The following RGP1 variants were observed in gnomAD, a reference collection of about 807,000 sequenced individuals.
The protein encoded by RGP1 is RAB6A-GEF complex partner protein 2.
A neutral mutation model predicts 44.5 loss-of-function variants in RGP1; 28 were observed. The ratio of observed to expected loss-of-function variants is 0.63; its 90% CI spans 0.47 to 0.86. The LOEUF (loss-of-function observed/expected upper bound fraction) is 0.86. Ranked by LOEUF, RGP1 falls within the 40% of genes least tolerant of loss-of-function variation. The pLI is 0.00. For synonymous variants in RGP1, 212 were observed against 196.7 expected, an observed-to-expected ratio of 1.08 and a Z score of -0.65; for missense variants, 417 against 490.7, an observed-to-expected ratio of 0.85 and a Z score of 1.42.
Position 35,753,596 on chromosome 9 carries a change from T to C in RGP1, c.*722T>C. ...TCTTACATCACAGCAATCTAGTCACTCCCTGGTCATCCCTCAGTCACTCAT... is the reference window on the plus strand; with the variant it reads ...TCTTACATCACAGCAATCTAGTCACCCCCTGGTCATCCCTCAGTCACTCAT... On this transcript the variant is annotated 3_prime_UTR_variant, in exon 9 of 9. Coordinates refer to ENST00000378078, the MANE Select transcript of RGP1 (RefSeq NM_001080496.3). This position sits in a 1 kb window ranked among gnomAD's most constrained non-coding sequence, Gnocchi z 4.2. 7.3e-7 allele frequency: 1 copy of C among 1,367,136 alleles called. No homozygotes were observed. The highest frequency in any genetic ancestry group is 1.0e-6 in the Non-Finnish European group (1 of 970,168). 84.7% of individuals were successfully genotyped at this position (1,367,136 alleles called of 1,614,324 possible).
chr9:35,749,812 G>T lies in RGP1; in HGVS notation c.57G>T (p.Ala19=). 3 of 1,613,936 alleles carry T rather than the reference G, an allele frequency of 1.9e-6. No homozygotes were observed. ...GTCCTGTATTTTTGGCTGGGGAGGC[G>T]CTGGAGTGTGTAGTGACCGTCACCA... ...SRGPVFLAGE[A]LECVVTVTNP... Residue 19 remains alanine, a synonymous_variant, in exon 2 of 9, where the codon GCG becomes GCT. Transcript: ENST00000378078. This position sits in a 1 kb window ranked among gnomAD's most constrained non-coding sequence, Gnocchi z 4.4.
chr9:35,768,428 G>T, the RGP1 span, among the ~76,000 whole-genome samples: 52 of 152,312 alleles, frequency 3.4e-4, no homozygotes, highest in African/African-American at 1.1e-3. Flanking sequence ...TGGAGGTCAA[G>T]ATGTGGGGCA....
intron 3 of RGP1, 38 bp from the exon 4 acceptor site, chr9:35,750,620 C>A: frequency 1.9e-6 from 3 of 1,599,628 alleles, no homozygotes; most frequent in Non-Finnish European, 2.6e-6. Flanking sequence ...CAGTACTGGA[C>A]AATGGGTCAT....
chr9:35,750,562 A>G, intron 3 of RGP1, 96 bp from the exon 4 acceptor site: 1 of 1,399,130 alleles, frequency 7.1e-7, no homozygotes, highest in Non-Finnish European at 1.0e-6. Context: ...GCAGGGACGG[A>G]GGGCCTGGCA....
At chr9:35,765,109 C>T in the RGP1 span, among the ~76,000 whole-genome samples, 1 of 143,032 alleles carries the variant, frequency 7.0e-6, no homozygotes, top group Non-Finnish European at 1.5e-5. Context: ...GACAACAAAG[C>T]AAGACTCTGT....
chr9:35,761,038 G>C (rs542945720), downstream of RGP1, among the ~76,000 whole-genome samples: 1 of 152,356 alleles, frequency 6.6e-6, no homozygotes, highest in South Asian at 2.1e-4. Context: ...CCAAGCCACA[G>C]ATCCTGATTT....
rs1383676712 is a variant in RGP1 at position 35,752,836 on chromosome 9, G to A, written c.1138G>A (p.Ala380Thr). 6.2e-7 allele frequency: 1 copy of A among 1,613,786 alleles called. No homozygotes were observed. The highest frequency in any genetic ancestry group is 8.5e-7 in the Non-Finnish European group (1 of 1,179,840). The change falls in exon 9 of 9, where the codon GCT becomes ACT. Residue 380 changes from alanine to threonine, a missense_variant. Physicochemically the swap from Ala to Thr is moderately conservative, Grantham distance 58 (BLOSUM62 0). Transcript: ENST00000378078. ...TACTAGCCCCACCCTGGCCTCATAT[G>A]CTGCCCCAGGCCCCAGCACCAGCAC... ...LPTSPTLASY[A>T]APGPSTSTIT...
At chr9:35,784,239 C>A in the RGP1 span, among the ~76,000 whole-genome samples, 1 of 152,168 alleles carries the variant, frequency 6.6e-6, no homozygotes, top group African/African-American at 2.4e-5. Flanking sequence ...CTTGCCTCTT[C>A]ATTTTGTTGA....
At position 35,750,398 on chromosome 9, in the gene RGP1, C is replaced by T. The variant is rs1159701174; in HGVS notation, c.253+19C>T. 6.2e-7 allele frequency: 1 copy of T among 1,613,166 alleles called. No homozygotes were observed. The highest frequency in any genetic ancestry group is 1.7e-5 in the Admixed American group (1 of 59,948). On this transcript the variant is annotated intron_variant, in intron 3 of 8. Coordinates refer to ENST00000378078, the MANE Select transcript of RGP1 (RefSeq NM_001080496.3). ...CACCGAGGTTAGAGAGGGGCATTTG[C>T]CTGGGAGAGGGGGGGTGCGGAGGGT...
chr9:35,789,038 T>C, the RGP1 span, among the ~76,000 whole-genome samples: 1 of 152,194 alleles, frequency 6.6e-6, no homozygotes, highest in Non-Finnish European at 1.5e-5. Flanking sequence ...CTTTCTTTCT[T>C]TTTTCTTTTG....
At chr9:35,783,827 A>G in the RGP1 span, among the ~76,000 whole-genome samples, 3 of 152,182 alleles carry the variant, frequency 2.0e-5, no homozygotes, top group Non-Finnish European at 4.4e-5. Context: ...ATTACTGGAT[A>G]ATATGGTAGT....
chr9:35,755,353 A>G lies in RGP1; in HGVS notation c.*2479A>G, dbSNP rs1353475223. 1 of 152,280 alleles carries G rather than the reference A, an allele frequency of 6.6e-6. No individual in the cohort carries two copies. The highest frequency in any genetic ancestry group is 1.9e-4 in the East Asian group (1 of 5,204). The allele number at this position is 152,280 out of a possible 1,614,324, so 9.4% of individuals were successfully genotyped here. A position where few individuals can be genotyped will look rare whatever the true frequency, so the allele number is the denominator to read the frequency against. On this transcript the variant is annotated 3_prime_UTR_variant, in exon 9 of 9. Coordinates refer to ENST00000378078, the MANE Select transcript of RGP1 (RefSeq NM_001080496.3). ...AAAGCTCTGAGGCAAAATGGGCGACATTATTTTCTTTGAATGACATTAAGC... is the reference window on the plus strand; with the variant it reads ...AAAGCTCTGAGGCAAAATGGGCGACGTTATTTTCTTTGAATGACATTAAGC...
rs984051584 is a variant in RGP1, at chr9:35,749,319, G to C, written c.-109G>C. 1.7e-5 allele frequency: 9 copies of C among 524,804 alleles called. No homozygotes were observed. The highest frequency in any genetic ancestry group is 1.0e-4 in the Admixed American group (5 of 49,832). The allele number at this position is 524,804 out of a possible 1,614,324, so 32.5% of individuals were successfully genotyped here. On this transcript the variant is annotated 5_prime_UTR_variant, in exon 1 of 9. Transcript: ENST00000378078. This position sits in a 1 kb window ranked among gnomAD's most constrained non-coding sequence, Gnocchi z 4.4. ...CCTCTACCGCCCAGCGGACGCCGCC[G>C]CCGCCGCCGCCGCCGCGTACCTAGC...
At chr9:35,782,689 A>G in the RGP1 span, among the ~76,000 whole-genome samples, 3 of 151,830 alleles carry the variant, frequency 2.0e-5, no homozygotes, top group Non-Finnish European at 1.5e-5. Flanking sequence ...CAGGTGATCC[A>G]CCCTCCTTGG....
chr9:35,753,646 C>T lies in RGP1; in HGVS notation c.*772C>T, dbSNP rs116619039. 4,747 of 1,604,990 alleles carry T rather than the reference C, an allele frequency of 3.0e-3. 132 individuals are homozygous for T. The African/African-American group carries it at 0.057, about 19-fold the overall frequency. The stretch of plus-strand genomic sequence containing the variant: ...TATCAGAGTCATTCTCTCTGGCCAT[C>T]TTTGGTCACTCACGTGTCACAGCAG... On this transcript the variant is annotated 3_prime_UTR_variant, in exon 9 of 9. Coordinates refer to ENST00000378078, the MANE Select transcript of RGP1 (RefSeq NM_001080496.3). This position sits in a 1 kb window ranked among gnomAD's most constrained non-coding sequence, Gnocchi z 4.2.
the RGP1 span, among the ~76,000 whole-genome samples, chr9:35,766,035 A>G: frequency 3.4e-4 from 51 of 150,370 alleles, no homozygotes; most frequent in African/African-American, 1.2e-3. Flanking sequence ...GGGTTTCACC[A>G]TGTTAGCCAG....
chr9:35,754,143 C>A lies in RGP1; in HGVS notation c.*1269C>A. 1 of 1,605,226 alleles carries A rather than the reference C, an allele frequency of 6.2e-7. No individual in the cohort carries two copies. The highest frequency in any genetic ancestry group is 8.5e-7 in the Non-Finnish European group (1 of 1,174,738). On this transcript the variant is annotated 3_prime_UTR_variant, in exon 9 of 9. Coordinates refer to ENST00000378078, the MANE Select transcript of RGP1 (RefSeq NM_001080496.3). ...CCTTAGGGCCATTGCTGCTGCACAGCCCTCTCAGACCCTTCTTGGCCTCTG... is the reference window on the plus strand; with the variant it reads ...CCTTAGGGCCATTGCTGCTGCACAGACCTCTCAGACCCTTCTTGGCCTCTG...
downstream of RGP1, among the ~76,000 whole-genome samples, chr9:35,762,190 G>A (rs533421003): frequency 6.6e-5 from 10 of 152,292 alleles, no homozygotes; most frequent in South Asian, 2.1e-3. Context: ...CAGAGCAAGA[G>A]CAAGGGAGAA....
rs1273275381 is a variant in RGP1 at position 35,751,738 on chromosome 9, C to A, written c.746C>A (p.Thr249Asn). Reference sequence around the variant, plus strand: ...GGGACCTTAAACTTAGGGGAAGGAACCGTAGCTTGTTTGCAGGTAAGAAGG... The same window carrying A: ...GGGACCTTAAACTTAGGGGAAGGAAACGTAGCTTGTTTGCAGGTAAGAAGG... Reference protein sequence around the residue: ...VVGTLNLGEGTVACLQFSVSL... With the variant: ...VVGTLNLGEGNVACLQFSVSL... The change falls in exon 7 of 9, where the codon ACC (threonine) becomes AAC (asparagine). Residue 249 changes from threonine to asparagine, a missense_variant. By Grantham distance (65) the Thr-to-Asn change is moderately conservative (BLOSUM62 0). Coordinates refer to ENST00000378078, the MANE Select transcript of RGP1 (RefSeq NM_001080496.3). The A allele has an allele frequency of 1.2e-6, 2 of 1,613,902 alleles. No individual in the cohort carries two copies. Among genetic ancestry groups the A allele is most frequent in the Admixed American group, 3.3e-5 (2 of 60,020 alleles).
Sources: gnomAD v4.1 joint callset for allele counts (sites outside exome capture counted in the v4.1 genomes callset) on GRCh38, gnomAD v4.1.1 for gene constraint, Gnocchi (gnomAD v3.1) non-coding constraint, MANE v1.5 for transcripts, NCBI Gene and HGNC (gene_info 2026-07-23, HGNC 2026-07-21) for gene names.